CASTOR2: variants seen among roughly 807,000 people sequenced by gnomAD.
The protein encoded by CASTOR2 is GATS protein like 2.
In CASTOR2, 8 loss-of-function variants were observed where a neutral mutation model predicts 31.2. The observed-to-expected ratio is 0.26, with a 90% CI of 0.15 to 0.46. CASTOR2 has a LOEUF of 0.46. Ranked by LOEUF, CASTOR2 falls within the 20% of genes least tolerant of loss-of-function variation. The pLI is 0.99. For missense variants in CASTOR2, 216 were observed against 382.1 expected, an observed-to-expected ratio of 0.57 and a Z score of 3.62; for synonymous variants, 162 against 158.7, an observed-to-expected ratio of 1.02 and a Z score of -0.16.
chr7:74,982,685 A>C, intron 1 of CASTOR2, among the ~76,000 whole-genome samples: 1 of 65,426 alleles, frequency 1.5e-5, no homozygotes. Context: ...AAAATACAAA[A>C]TTAGCCGGGT....
intron 1 of CASTOR2, among the ~76,000 whole-genome samples, chr7:74,967,599 A>G (rs1208032306): frequency 5.3e-5 from 4 of 75,540 alleles, no homozygotes; most frequent in Non-Finnish European, 1.0e-4. Context: ...CTGGAGTGCA[A>G]TGGCGCCATC....
intron 1 of CASTOR2, among the ~76,000 whole-genome samples, chr7:75,007,341 G>T (rs1355487613): frequency 6.6e-6 from 1 of 152,124 alleles, no homozygotes; most frequent in African/African-American, 2.4e-5. Context: ...CCTGTTTTTG[G>T]AGAATAGATG....
intron 2 of CASTOR2, among the ~76,000 whole-genome samples, chr7:75,015,820 C>T (rs1804851215): frequency 6.6e-6 from 1 of 151,986 alleles, no homozygotes. Flanking sequence ...TAATCCCAGC[C>T]CTTTGAGAGG....
chr7:75,008,726 TAGCTGGCA>T (rs1804659363), intron 2 of CASTOR2, among the ~76,000 whole-genome samples: 1 of 152,048 alleles, frequency 6.6e-6, no homozygotes, highest in Admixed American at 6.6e-5. Flanking sequence ...GAAAAGTGTC[TAGCTGGCA>T]AGGGCACAGT....
At chr7:75,007,771 C>T (rs1476573967) in intron 1 of CASTOR2, 97 of 646,320 alleles carry the variant, frequency 1.5e-4, no homozygotes, top group African/African-American at 1.1e-3. Context: ...CCAAAGATTG[C>T]GGGGGTATAG....
rs1463394028 is a variant in CASTOR2 at position 75,028,890 on chromosome 7, A to G, written c.*4191A>G. On this transcript the variant is annotated 3_prime_UTR_variant, in exon 9 of 9. Coordinates refer to ENST00000616305, the MANE Select transcript of CASTOR2 (RefSeq NM_001145064.3). ...TTCAGAGGCGGGGACCCAAAGCCTCACTCCAAACCACTGGCATTCTCACCT... is the reference window on the plus strand; with the variant it reads ...TTCAGAGGCGGGGACCCAAAGCCTCGCTCCAAACCACTGGCATTCTCACCT... Among the ~76,000 whole-genome samples, 2 of 152,056 alleles carry G rather than the reference A, an allele frequency of 1.3e-5. No individual in the cohort carries two copies. Among genetic ancestry groups the G allele is most frequent in the Admixed American group, 1.3e-4 (2 of 15,242 alleles).
chr7:75,002,169 A>C (rs1366599824), intron 1 of CASTOR2, among the ~76,000 whole-genome samples: 2 of 151,172 alleles, frequency 1.3e-5, no homozygotes, highest in Admixed American at 1.3e-4. Flanking sequence ...CAAGAGATCC[A>C]TTCACCTCCA....
chr7:75,031,143 A>G lies in CASTOR2; in HGVS notation c.*6444A>G, dbSNP rs1279432462. On this transcript the variant is annotated 3_prime_UTR_variant, in exon 9 of 9. Coordinates refer to ENST00000616305, the MANE Select transcript of CASTOR2 (RefSeq NM_001145064.3). The stretch of plus-strand genomic sequence containing the variant: ...CAGTCCCAAGCCCTCCTCTTTCTCT[A>G]TGCCAAAATCATTTCCGTTATCCTG... 2.0e-5 allele frequency among the ~76,000 whole-genome samples: 3 copies of G among 152,254 alleles called. No individual in the cohort carries two copies. The highest frequency in any genetic ancestry group is 3.9e-4 in the East Asian group (2 of 5,168).
intron 1 of CASTOR2, among the ~76,000 whole-genome samples, chr7:74,994,719 C>T (rs1424022940): frequency 5.3e-5 from 8 of 151,372 alleles, no homozygotes; most frequent in African/African-American, 1.9e-4. Context: ...CGCTGCACTC[C>T]AGCCTAGGCA....
At chr7:75,022,008 C>A in intron 7 of CASTOR2, 52 bp downstream of exon 7, 1 of 1,544,296 alleles carries the variant, frequency 6.5e-7, no homozygotes, top group East Asian at 2.4e-5. Context: ...CATTGCTGAG[C>A]CCATTCACAT....
intron 1 of CASTOR2, among the ~76,000 whole-genome samples, chr7:74,977,462 ACT>A (rs1803842425): frequency 6.9e-6 from 1 of 145,358 alleles, no homozygotes; most frequent in Non-Finnish European, 1.5e-5. Context: ...CTCACTGCAA[ACT>A]CTGCCTCCCG....
intron 7 of CASTOR2, among the ~76,000 whole-genome samples, chr7:75,024,097 G>C (rs1344605350): frequency 6.6e-6 from 1 of 152,012 alleles, no homozygotes; most frequent in Non-Finnish European, 1.5e-5. Flanking sequence ...ATACCAGCCT[G>C]GCCAACATGG....
chr7:75,008,464 T>A (rs1804653559), intron 2 of CASTOR2, among the ~76,000 whole-genome samples: 1 of 152,142 alleles, frequency 6.6e-6, no homozygotes, highest in Non-Finnish European at 1.5e-5. Flanking sequence ...GTCTCAACAC[T>A]GTGGGAGGAT....
At chr7:75,002,331 C>T (rs1285609507) in intron 1 of CASTOR2, among the ~76,000 whole-genome samples, 32 of 151,978 alleles carry the variant, frequency 2.1e-4, no homozygotes, top group Non-Finnish European at 3.8e-4. Context: ...GCTGAAAGAA[C>T]ATTTAGGCTG....
intron 2 of CASTOR2, among the ~76,000 whole-genome samples, chr7:75,015,145 G>A (rs1346569667): frequency 1.1e-4 from 17 of 152,224 alleles, no homozygotes; most frequent in Non-Finnish European, 2.4e-4. Flanking sequence ...ACAGGCATGG[G>A]CCTCACTCAA....
In CASTOR2 at chr7:75,024,425, T is replaced by A; in HGVS notation, c.830-15T>A. 2 of 1,551,456 alleles carry A rather than the reference T, an allele frequency of 1.3e-6. No homozygotes were observed. Among genetic ancestry groups the A allele is most frequent in the Non-Finnish European group, 1.7e-6 (2 of 1,146,788 alleles). On this transcript the variant is annotated splice_polypyrimidine_tract_variant and intron_variant, in intron 7 of 8. Coordinates refer to ENST00000616305, the MANE Select transcript of CASTOR2 (RefSeq NM_001145064.3). ...CAGGTTACACAGAGGCTAAGGACGG[T>A]CTCTCCTGTTCTAGATGAGTGTGGC...
chr7:74,991,639 C>G (rs1483347833), intron 1 of CASTOR2, among the ~76,000 whole-genome samples: 2 of 152,096 alleles, frequency 1.3e-5, no homozygotes, highest in Non-Finnish European at 2.9e-5. Flanking sequence ...TAAGTAGGCA[C>G]TGACGGTTGG....
rs1346952920 is a variant in CASTOR2 at position 75,028,332 on chromosome 7, G to T, written c.*3633G>T. Among the ~76,000 whole-genome samples the T allele has an allele frequency of 6.6e-6, 1 of 151,984 alleles. No individual in the cohort carries two copies. The highest frequency in any genetic ancestry group is 6.6e-5 in the Admixed American group (1 of 15,244). Reference sequence around the variant, plus strand: ...GACGGGGTTTCACCATGTTGGCCACGCTGGTCTTGAACTCCTGACCTCAAG... The same window carrying T: ...GACGGGGTTTCACCATGTTGGCCACTCTGGTCTTGAACTCCTGACCTCAAG... On this transcript the variant is annotated 3_prime_UTR_variant, in exon 9 of 9. Coordinates refer to ENST00000616305, the MANE Select transcript of CASTOR2 (RefSeq NM_001145064.3).
At chr7:74,972,855 T>C (rs1304618897) in intron 1 of CASTOR2, among the ~76,000 whole-genome samples, 1 of 146,862 alleles carries the variant, frequency 6.8e-6, no homozygotes, top group South Asian at 2.2e-4. Context: ...AATTTTTGTA[T>C]TTTTAGTAGA....
Sources: gnomAD v4.1 joint callset for allele counts (sites outside exome capture counted in the v4.1 genomes callset) on GRCh38, gnomAD v4.1.1 for gene constraint, MANE v1.5 for transcripts, NCBI Gene and HGNC (gene_info 2026-07-23, HGNC 2026-07-21) for gene names.